The following RASGRF1 variants were observed in gnomAD, a reference collection of about 807,000 sequenced individuals.
RASGRF1 encodes the protein ras-specific guanine nucleotide-releasing factor 1.
In RASGRF1, 40 loss-of-function variants were observed where a neutral mutation model predicts 138.7. The ratio of observed to expected loss-of-function variants is 0.29; its 90% confidence interval spans 0.22 to 0.38. The LOEUF is 0.38. Among genes scored for constraint, RASGRF1 ranks in the 10% least tolerant of loss-of-function variants. The pLI is 1.00. For missense variants in RASGRF1, 1,108 were observed against 1,650.4 expected (o/e 0.67, Z 5.69); for synonymous variants, 614 against 663.2 (o/e 0.93, Z 1.14).
intron 24 of RASGRF1, among the ~76,000 whole-genome samples, chr15:78,976,040 C>T (rs1213355801): frequency 2.0e-5 from 3 of 152,110 alleles, no homozygotes; most frequent in Non-Finnish European, 4.4e-5. Flanking sequence ...AACGGGAGGC[C>T]TGGTGACTGC....
In RASGRF1 at chr15:79,029,864, A is replaced by G. The variant is rs75822675; in HGVS notation, c.1262+1536T>C. ...CCTAGGATCCCGGGGATAAGGGATCAGGGTCTTATGTCAAATACCTTGGCA... is the reference window on the plus strand; with the variant it reads ...CCTAGGATCCCGGGGATAAGGGATCGGGGTCTTATGTCAAATACCTTGGCA... On this transcript the variant is annotated intron_variant, in intron 8 of 26. Transcript: ENST00000558480. 7.2e-4 allele frequency among the ~76,000 whole-genome samples: 109 copies of G among 152,278 alleles called. 2 individuals are homozygous for G. The East Asian group carries it at 0.019, about 26-fold the overall frequency.
chr15:79,018,314 A>G (rs181668449), intron 11 of RASGRF1, among the ~76,000 whole-genome samples: 347 of 152,372 alleles, frequency 2.3e-3, no homozygotes, highest in African/African-American at 8.0e-3. Context: ...TCTGGGGCCA[A>G]ATGAGGAACT....
chr15:78,995,926 G>T, intron 19 of RASGRF1, 126 bp from the exon 20 acceptor site: 2 of 868,028 alleles, frequency 2.3e-6, no homozygotes, highest in Non-Finnish European at 3.7e-6. Context: ...ATTGCCAGGA[G>T]CACCCTTTCC....
intron 13 of RASGRF1, among the ~76,000 whole-genome samples, chr15:79,011,822 C>A (rs372260647): frequency 6.6e-6 from 1 of 152,168 alleles, no homozygotes; most frequent in African/African-American, 2.4e-5. Context: ...GCTATCTCAT[C>A]GCCTTTCCCT....
intron 26 of RASGRF1, among the ~76,000 whole-genome samples, chr15:78,964,352 A>G (rs1193139442): frequency 1.3e-5 from 2 of 151,118 alleles, no homozygotes; most frequent in African/African-American, 4.9e-5. Flanking sequence ...TTTTTGTATT[A>G]TTAGTAAAGA....
At chr15:78,989,987 A>G in intron 22 of RASGRF1, 3 of 604,066 alleles carry the variant, frequency 5.0e-6, no homozygotes, top group Non-Finnish European at 8.8e-6. Flanking sequence ...TGACTGTTCC[A>G]TGGTCAGCCC....
chr15:79,042,888 A>G (rs1335529399), intron 5 of RASGRF1, among the ~76,000 whole-genome samples: 1 of 152,230 alleles, frequency 6.6e-6, no homozygotes, highest in Non-Finnish European at 1.5e-5. Flanking sequence ...CACAAAAAAT[A>G]GTTCCTTATG....
rs561213327 is a variant in RASGRF1, at chr15:79,090,241, C to T, written c.258G>A (p.Lys86=). ...GCCTCACCTGTTTCTCCAGCGGCTC[C>T]TTGGCCGACAGCGCCGGCTTGGGGG... ...APSPKPALSA[K]EPLEKQHYFT... Residue 86 remains lysine (K), a synonymous_variant, in exon 1 of 27, where the codon AAG becomes AAA. Transcript: ENST00000558480. 44 of 1,607,950 alleles carry T rather than the reference C, an allele frequency of 2.7e-5. No homozygotes were observed. The highest frequency in any genetic ancestry group is 3.5e-5 in the Non-Finnish European group (41 of 1,178,418).
chr15:78,970,621 C>CAAAAAAAAAAAAAAAAAAAAAAAA (rs55689628), intron 26 of RASGRF1, among the ~76,000 whole-genome samples: 4 of 57,900 alleles, frequency 6.9e-5, no homozygotes, highest in Non-Finnish European at 1.4e-4. Context: ...GACTCTGTCT[C>CAAAAAAAAAAAAAAAAAAAAAAAA]AAAAAAAAAA....
At chr15:78,977,446 GT>G (rs2141611547) in intron 24 of RASGRF1, among the ~76,000 whole-genome samples, 1 of 152,286 alleles carries the variant, frequency 6.6e-6, no homozygotes, top group Admixed American at 6.5e-5. Context: ...CTGCGATGGG[GT>G]GGGGGTGGAA....
intron 2 of RASGRF1, 72 bp from the exon 3 acceptor site, chr15:79,058,553 C>G: frequency 6.4e-7 from 1 of 1,571,244 alleles, no homozygotes; most frequent in Middle Eastern, 1.9e-4. Context: ...GGGCACTGAC[C>G]GGGAGAGGGG....
chr15:79,068,490 T>C (rs938278702), intron 1 of RASGRF1, among the ~76,000 whole-genome samples: 1 of 66,950 alleles, frequency 1.5e-5, no homozygotes, highest in Non-Finnish European at 3.2e-5. Flanking sequence ...TATATATATA[T>C]ATACACACAC....
intron 1 of RASGRF1, among the ~76,000 whole-genome samples, chr15:79,072,810 C>A (rs1195696843): frequency 2.6e-5 from 4 of 152,146 alleles, no homozygotes; most frequent in African/African-American, 9.7e-5. Flanking sequence ...ACACTGGGGG[C>A]AACACTGGAG....
intron 20 of RASGRF1, among the ~76,000 whole-genome samples, chr15:78,994,354 A>C (rs1252764621): frequency 6.6e-6 from 1 of 152,126 alleles, no homozygotes; most frequent in Non-Finnish European, 1.5e-5. Flanking sequence ...TGCCCTCACC[A>C]CTTCCAGGAA....
intron 26 of RASGRF1, among the ~76,000 whole-genome samples, chr15:78,968,608 T>G (rs946055644): frequency 2.6e-5 from 4 of 152,142 alleles, no homozygotes; most frequent in Non-Finnish European, 4.4e-5. Context: ...TATTTTTAAT[T>G]GAAAATATTT....
At chr15:79,008,290 C>G (rs1299759610) in intron 13 of RASGRF1, among the ~76,000 whole-genome samples, 1 of 152,128 alleles carries the variant, frequency 6.6e-6, no homozygotes, top group Non-Finnish European at 1.5e-5. Context: ...TAAACTTTAT[C>G]GAGTGCCTTC....
In RASGRF1 at chr15:79,046,657, G is replaced by A; in HGVS notation, c.878+89C>T. 1 of 1,564,708 alleles carries A rather than the reference G, an allele frequency of 6.4e-7. No individual in the cohort carries two copies. The highest frequency in any genetic ancestry group is 8.7e-7 in the Non-Finnish European group (1 of 1,148,310). On this transcript the variant is annotated intron_variant, in intron 5 of 26. Transcript: ENST00000558480. The surrounding 1 kb of genome is among the most constrained non-coding windows in gnomAD (Gnocchi z 5.3). ...TCTGGGCCTCATCTGCACTCGGTGG[G>A]AACCACGTGAGAGAGTGTGTCAAAG... is the stretch of plus-strand genomic sequence containing the variant.
intron 1 of RASGRF1, among the ~76,000 whole-genome samples, chr15:79,087,177 C>A (rs1279310211): frequency 6.6e-6 from 1 of 152,228 alleles, no homozygotes; most frequent in Non-Finnish European, 1.5e-5. Flanking sequence ...CCTTGCATAT[C>A]CCGCTATTAG....
At chr15:78,971,423 A>T (rs1218926436) in intron 26 of RASGRF1, among the ~76,000 whole-genome samples, 1 of 152,234 alleles carries the variant, frequency 6.6e-6, no homozygotes, top group African/African-American at 2.4e-5. Context: ...AGAGAATGGT[A>T]TGCAAAGTTG....
Sources: allele counts gnomAD v4.1 joint callset (sites outside exome capture counted in the v4.1 genomes callset), GRCh38; gene constraint gnomAD v4.1.1; non-coding constraint Gnocchi (gnomAD v3.1); transcripts MANE v1.5; gene names NCBI Gene and HGNC (gene_info 2026-07-23, HGNC 2026-07-21).